Variants in DMXL1 observed in about 807,000 individuals in gnomAD.
The protein encoded by DMXL1 is dmX-like protein 1.
DMXL1 carries 99 observed loss-of-function variants against 319.2 expected under a neutral mutation model. That is an observed-to-expected ratio of 0.31 (90% CI 0.26 to 0.37). The LOEUF (loss-of-function observed/expected upper bound fraction) is 0.37. DMXL1 is among the 10% of genes least tolerant of loss of function. DMXL1 has a pLI of 1.00. For synonymous variants in DMXL1, 1,385 were observed against 1,235.2 expected (o/e 1.12, Z -2.54); for missense variants, 3,745 against 3,595.6 (o/e 1.04, Z -1.06).
chr5:119,102,488 G>A (rs1269706730), intron 3 of DMXL1, among the ~76,000 whole-genome samples: 3 of 152,138 alleles, frequency 2.0e-5, no homozygotes, highest in Non-Finnish European at 2.9e-5. Flanking sequence ...TCTGAAAACT[G>A]GTTACCCAAT....
intron 1 of DMXL1, among the ~76,000 whole-genome samples, chr5:119,073,734 G>A (rs2149652562): frequency 6.6e-6 from 1 of 152,146 alleles, no homozygotes; most frequent in Non-Finnish European, 1.5e-5. Flanking sequence ...AGTTTTGATG[G>A]AATTTTAAGG....
At chr5:119,224,109 G>A (rs1334049924) in intron 37 of DMXL1, among the ~76,000 whole-genome samples, 1 of 151,680 alleles carries the variant, frequency 6.6e-6, no homozygotes, top group Non-Finnish European at 1.5e-5. Context: ...ACAACTTTAG[G>A]CTAATTGAAC....
chr5:119,162,115 TA>T (rs1231397905), intron 19 of DMXL1, among the ~76,000 whole-genome samples: 2 of 152,190 alleles, frequency 1.3e-5, no homozygotes. Context: ...ACTGTGGATC[TA>T]GGGAATTTTC....
chr5:119,178,803 G>T (rs548788823), intron 28 of DMXL1: 1 of 266,200 alleles, frequency 3.8e-6, no homozygotes, highest in Non-Finnish European at 5.8e-6. Flanking sequence ...AGAAAATTGA[G>T]AAGTTTCCTT....
intron 9 of DMXL1, among the ~76,000 whole-genome samples, chr5:119,124,961 T>C (rs964981245): frequency 3.3e-5 from 5 of 152,360 alleles, no homozygotes; most frequent in East Asian, 1.9e-4. Flanking sequence ...CTACAAATTA[T>C]AGACATTTTA....
intron 41 of DMXL1, among the ~76,000 whole-genome samples, 167 bp from the exon 42 acceptor site, chr5:119,240,252 A>G (rs1788529807): frequency 6.6e-6 from 1 of 152,200 alleles, no homozygotes; most frequent in African/African-American, 2.4e-5. Flanking sequence ...TTTTTTTTAT[A>G]TAAAAATTAG....
Position 119,170,553 on chromosome 5 carries a change from C to T in DMXL1, c.5762C>T (p.Ala1921Val), listed in dbSNP as rs756813412. The T allele has an allele frequency of 6.2e-7, 1 of 1,613,826 alleles. No homozygotes were observed. The highest frequency in any genetic ancestry group is 8.5e-7 in the Non-Finnish European group (1 of 1,179,876). ...GATGCAAGGGAAGATAAGTCTTCTG[C>T]TGTTGATTGGTCACAGTCACTGATA... ...KLDAREDKSS[A>V]VDWSQSLING... Residue 1921 changes from alanine to valine, a missense_variant, in exon 24 of 44, where the codon GCT becomes GTT. Coordinates refer to ENST00000539542, the MANE Select transcript of DMXL1 (RefSeq NM_001290321.3).
Position 119,143,686 on chromosome 5 carries a change from A to G in DMXL1, c.2377-155A>G, listed in dbSNP as rs117039574. 5.9e-5 allele frequency among the ~76,000 whole-genome samples: 9 copies of G among 152,086 alleles called. No homozygotes were observed. The East Asian group carries it at 1.7e-3, about 29-fold the overall frequency. ...TTCATTCGTTTGTTAATTCCTATAA[A>G]GACTAAAGACCTAGAATTTTTATAG... On this transcript the variant is annotated intron_variant, in intron 13 of 43. Coordinates refer to ENST00000539542, the MANE Select transcript of DMXL1 (RefSeq NM_001290321.3).
At chr5:119,106,092 C>G (rs1758278495) in intron 4 of DMXL1, among the ~76,000 whole-genome samples, 1 of 152,108 alleles carries the variant, frequency 6.6e-6, no homozygotes, top group Admixed American at 6.6e-5. Flanking sequence ...AGCAGTTTAT[C>G]TGCAGCTAAA....
chr5:119,216,615 G>C (rs1783747912), intron 34 of DMXL1, among the ~76,000 whole-genome samples: 1 of 152,034 alleles, frequency 6.6e-6, no homozygotes, highest in Non-Finnish European at 1.5e-5. Flanking sequence ...AGAATGTGTT[G>C]ATCCTTTAAA....
chr5:119,095,930 G>A (rs1755849172), intron 1 of DMXL1, among the ~76,000 whole-genome samples: 1 of 152,106 alleles, frequency 6.6e-6, no homozygotes, highest in South Asian at 2.1e-4. Flanking sequence ...TAAAATTCCA[G>A]GCAAGCATGT....
chr5:119,234,599 C>T (rs542872407), intron 39 of DMXL1, among the ~76,000 whole-genome samples: 2 of 152,246 alleles, frequency 1.3e-5, no homozygotes, highest in South Asian at 4.1e-4. Flanking sequence ...TAGCAACATT[C>T]TTAGCTCCTT....
chr5:119,197,545 A>C (rs1348402976), intron 31 of DMXL1, among the ~76,000 whole-genome samples: 1 of 152,168 alleles, frequency 6.6e-6, no homozygotes, highest in Non-Finnish European at 1.5e-5. Context: ...AAATACTTAC[A>C]CAGATTTATG....
chr5:119,202,903 A>T (rs1347527654), intron 32 of DMXL1, among the ~76,000 whole-genome samples: 35 of 144,254 alleles, frequency 2.4e-4, no homozygotes, highest in Middle Eastern at 3.6e-3. Context: ...ATATATATAT[A>T]TATTTATATA....
intron 19 of DMXL1, among the ~76,000 whole-genome samples, chr5:119,155,845 C>A (rs115310801): frequency 0.037 from 4,337 of 117,172 alleles, 148 homozygotes; most frequent in African/African-American, 0.097. Context: ...AAAAAAAAAA[C>A]AAAACTTCAG....
At position 119,126,190 on chromosome 5, in the gene DMXL1, G is replaced by C. The variant is rs1368607714; in HGVS notation, c.1103-3021G>C. On this transcript the variant is annotated intron_variant, in intron 9 of 43. Transcript: ENST00000539542. ...CCCAGCTACTTGGGAGGCTGAGGCA[G>C]GAGAATCGCTTGAACCTGGGAGGCG... 5.3e-5 allele frequency among the ~76,000 whole-genome samples: 8 copies of C among 152,174 alleles called. No individual in the cohort carries two copies. The East Asian group carries it at 1.3e-3, about 26-fold the overall frequency.
At chr5:119,095,278 CA>C (rs1261239390) in intron 1 of DMXL1, among the ~76,000 whole-genome samples, 2 of 152,152 alleles carry the variant, frequency 1.3e-5, no homozygotes, top group African/African-American at 4.8e-5. Flanking sequence ...AGCAAAAGAA[CA>C]AGGGTAATTC....
intron 1 of DMXL1, among the ~76,000 whole-genome samples, chr5:119,082,036 CACACACACACACACACACACAT>C (rs1752354546): frequency 1.4e-5 from 2 of 147,758 alleles, no homozygotes; most frequent in African/African-American, 2.5e-5. Context: ...CACACACACA[CACACACACACACACACACACAT>C]ACACGTATAT....
intron 2 of DMXL1, among the ~76,000 whole-genome samples, chr5:119,099,858 G>T (rs557340934): frequency 1.3e-5 from 2 of 152,016 alleles, no homozygotes; most frequent in South Asian, 4.2e-4. Context: ...GTAAATAGCC[G>T]GACATGGTAG....
Sources: allele counts gnomAD v4.1 joint callset (sites outside exome capture counted in the v4.1 genomes callset), GRCh38; gene constraint gnomAD v4.1.1; transcripts MANE v1.5; gene names NCBI Gene and HGNC (gene_info 2026-07-23, HGNC 2026-07-21).